ARL15: variants seen among roughly 807,000 people sequenced by gnomAD.
The protein encoded by ARL15 is ARF like GTPase 15, also known as ADP-ribosylation factor-like protein 15.
A neutral mutation model predicts 25.2 loss-of-function variants in ARL15; 19 were observed. That is an observed-to-expected ratio of 0.75 (90% CI 0.53 to 1.10). The LOEUF is 1.10. ARL15 is among the 50% of genes least tolerant of loss of function. The pLI, the probability that ARL15 is intolerant of heterozygous loss-of-function variation, is 0.00. For synonymous variants in ARL15, 94 were observed against 86.8 expected, an observed-to-expected ratio of 1.08 and a Z score of -0.46; for missense variants, 220 against 246.0, an observed-to-expected ratio of 0.89 and a Z score of 0.71.
At chr5:54,057,993 TTTA>T (rs572908838) in intron 4 of ARL15, among the ~76,000 whole-genome samples, 28,525 of 76,438 alleles carry the variant, frequency 0.37, 3,355 homozygotes, top group African/African-American at 0.47. Flanking sequence ...GGTGCCTTTA[TTTA>T]TTTATTTATT....
chr5:53,907,478 ATATATATATATTTTTTTTT>A (rs1410098906), intron 4 of ARL15, among the ~76,000 whole-genome samples: 1 of 26,496 alleles, frequency 3.8e-5, no homozygotes, highest in Non-Finnish European at 6.9e-5. Flanking sequence ...ATATATATAT[ATATATATATATTTTTTTTT>A]TTTTTTTTTT....
At chr5:54,013,220 G>A (rs1749303047) in intron 4 of ARL15, among the ~76,000 whole-genome samples, 2 of 152,210 alleles carry the variant, frequency 1.3e-5, no homozygotes, top group Non-Finnish European at 2.9e-5. Context: ...ATGAATTTAA[G>A]TTGGTAAGTT....
chr5:54,167,333 G>A (rs921385346), intron 2 of ARL15, among the ~76,000 whole-genome samples: 6 of 151,930 alleles, frequency 3.9e-5, no homozygotes, highest in Non-Finnish European at 7.4e-5. Context: ...CCTTGCTCTC[G>A]GCTTCATCTC....
intron 1 of ARL15, among the ~76,000 whole-genome samples, chr5:54,280,092 A>G (rs1387014890): frequency 6.6e-6 from 1 of 152,224 alleles, no homozygotes; most frequent in Non-Finnish European, 1.5e-5. Flanking sequence ...CCATCCATCC[A>G]GCCAAGACTT....
At chr5:54,101,262 T>C (rs1398701828) in intron 4 of ARL15, among the ~76,000 whole-genome samples, 1 of 152,092 alleles carries the variant, frequency 6.6e-6, no homozygotes, top group Non-Finnish European at 1.5e-5. Context: ...ATTTTTCAGT[T>C]CGGCTTTACC....
intron 1 of ARL15, among the ~76,000 whole-genome samples, chr5:54,273,711 T>C (rs1169964240): frequency 6.6e-6 from 1 of 152,100 alleles, no homozygotes; most frequent in Non-Finnish European, 1.5e-5. Flanking sequence ...CTTCAAAAGA[T>C]TATACCGAGT....
At chr5:54,249,773 G>T (rs1017194152) in intron 1 of ARL15, among the ~76,000 whole-genome samples, 9 of 151,952 alleles carry the variant, frequency 5.9e-5, no homozygotes, top group Non-Finnish European at 1.3e-4. Context: ...GCACGACAGA[G>T]GAGCCAGGAG....
At chr5:54,198,027 A>G (rs962931410) in intron 1 of ARL15, among the ~76,000 whole-genome samples, 1 of 152,044 alleles carries the variant, frequency 6.6e-6, no homozygotes, top group Non-Finnish European at 1.5e-5. Flanking sequence ...GCATATAAAC[A>G]GAACCAAAGA....
chr5:54,308,173 G>A (rs767747308), intron 1 of ARL15, among the ~76,000 whole-genome samples: 3 of 152,156 alleles, frequency 2.0e-5, no homozygotes, highest in Non-Finnish European at 4.4e-5. Context: ...AGGCTACCTC[G>A]GGAGGGCTAG....
chr5:54,196,548 A>T (rs1464436421), intron 1 of ARL15, among the ~76,000 whole-genome samples: 2 of 152,152 alleles, frequency 1.3e-5, no homozygotes, highest in Non-Finnish European at 2.9e-5. Flanking sequence ...TTGACTTACA[A>T]ATAAAGCAGT....
chr5:54,216,721 T>C (rs1343754066), intron 1 of ARL15, among the ~76,000 whole-genome samples: 1 of 151,806 alleles, frequency 6.6e-6, no homozygotes, highest in African/African-American at 2.4e-5. Flanking sequence ...AACAGAAAAA[T>C]CTGTTGGGAA....
intron 1 of ARL15, among the ~76,000 whole-genome samples, chr5:54,262,836 G>A (rs904799854): frequency 6.6e-6 from 1 of 152,106 alleles, no homozygotes. Flanking sequence ...GTTTAGACAG[G>A]AAACCAGATA....
At chr5:54,272,995 CACAAGAACTACCTAGTATAGAATTAACAT>C (rs1757829952) in intron 1 of ARL15, among the ~76,000 whole-genome samples, 1 of 152,048 alleles carries the variant, frequency 6.6e-6, no homozygotes, top group Admixed American at 6.6e-5. Flanking sequence ...ACAGTCTAGC[CACAAGAACTACCTAGTATAGAATTAACAT>C]TCTAATCCAA....
chr5:53,956,032 A>G (rs932215193), intron 4 of ARL15, among the ~76,000 whole-genome samples: 35 of 152,220 alleles, frequency 2.3e-4, no homozygotes, highest in African/African-American at 8.4e-4. Context: ...GGCATTCAAA[A>G]GTGTCTATAT....
chr5:54,270,733 C>A (rs1453866700), intron 1 of ARL15, among the ~76,000 whole-genome samples: 1 of 152,242 alleles, frequency 6.6e-6, no homozygotes, highest in Admixed American at 6.5e-5. Flanking sequence ...CTTCTCTCTA[C>A]TCTAAAGAAC....
At chr5:54,161,602 G>C (rs1014575543) in intron 2 of ARL15, among the ~76,000 whole-genome samples, 2 of 152,044 alleles carry the variant, frequency 1.3e-5, no homozygotes, top group African/African-American at 4.8e-5. Flanking sequence ...TTCTTTTTAT[G>C]AATTATCTCT....
intron 2 of ARL15, among the ~76,000 whole-genome samples, chr5:54,160,089 G>T (rs1754357785): frequency 6.6e-6 from 1 of 152,188 alleles, no homozygotes; most frequent in African/African-American, 2.4e-5. Flanking sequence ...ACATTCTACA[G>T]ATCTGGTGGC....
chr5:54,211,761 C>T (rs149654697), intron 1 of ARL15, among the ~76,000 whole-genome samples: 164 of 152,100 alleles, frequency 1.1e-3, no homozygotes, highest in African/African-American at 3.8e-3. Context: ...CACGAGCCAC[C>T]GTGACCGGCC....
intron 4 of ARL15, among the ~76,000 whole-genome samples, chr5:53,914,825 TC>T (rs1745586620): frequency 6.6e-6 from 1 of 152,210 alleles, no homozygotes; most frequent in African/African-American, 2.4e-5. Context: ...TTTCTTTCTT[TC>T]CTTTGATGGA....
Sources: allele counts gnomAD v4.1 joint callset (sites outside exome capture counted in the v4.1 genomes callset), GRCh38; gene constraint gnomAD v4.1.1; transcripts MANE v1.5; gene names NCBI Gene and HGNC (gene_info 2026-07-23, HGNC 2026-07-21).